ANKH: variants seen among roughly 807,000 people sequenced by gnomAD.
The protein encoded by ANKH is mineralization regulator ANKH.
In ANKH, 15 loss-of-function variants were observed where a neutral mutation model predicts 49.0. The observed-to-expected ratio is 0.31, with a 90% confidence interval of 0.20 to 0.47. ANKH has a LOEUF of 0.47. ANKH is among the 20% of genes least tolerant of loss of function. ANKH has a pLI of 1.00. For missense variants in ANKH, 429 were observed against 652.0 expected (o/e 0.66, Z 3.72); for synonymous variants, 273 against 260.0 (o/e 1.05, Z -0.48).
intron 1 of ANKH, among the ~76,000 whole-genome samples, chr5:14,833,034 A>T (rs1425397823): frequency 1.3e-5 from 2 of 152,200 alleles, no homozygotes; most frequent in African/African-American, 4.8e-5. Flanking sequence ...TGCTGCTTTG[A>T]TGGGCCCCAA....
In ANKH at chr5:14,837,904, A is replaced by G. The variant is rs1459503919; in HGVS notation, c.96+33448T>C. ...ATAGACTGGATTAAGAAAATGTGGC[A>G]CATATATACCATGGAATACTATGCA... On this transcript the variant is annotated intron_variant, in intron 1 of 11. Coordinates refer to ENST00000284268, the MANE Select transcript of ANKH (RefSeq NM_054027.6). Among the ~76,000 whole-genome samples the G allele has an allele frequency of 2.0e-5, 3 of 152,268 alleles. No individual in the cohort carries two copies. In the East Asian group the frequency reaches 5.8e-4, roughly 29 times the overall value.
chr5:14,799,503 A>G (rs969939199), intron 1 of ANKH, among the ~76,000 whole-genome samples: 4 of 152,222 alleles, frequency 2.6e-5, no homozygotes, highest in Non-Finnish European at 5.9e-5. Flanking sequence ...GGACAGGCTG[A>G]TTCTCTTGTT....
chr5:14,712,313 T>C lies in ANKH; in HGVS notation c.1365+561A>G, dbSNP rs140271832. On this transcript the variant is annotated intron_variant, in intron 11 of 11. Transcript: ENST00000284268. ...TCTTGACCAACTGTTTCCCCACCCA[T>C]GTGTCCTCGTTCTTCCACCCTCATA... Among the ~76,000 whole-genome samples, 370 of 152,370 alleles carry C rather than the reference T, an allele frequency of 2.4e-3. 3 individuals are homozygous for C. Among genetic ancestry groups the C allele is most frequent in the African/African-American group, 8.4e-3 (350 of 41,596 alleles).
At chr5:14,802,991 G>T (rs1740608162) in intron 1 of ANKH, among the ~76,000 whole-genome samples, 1 of 152,238 alleles carries the variant, frequency 6.6e-6, no homozygotes, top group Non-Finnish European at 1.5e-5. Context: ...AACTTGCAGA[G>T]TGATGTCTGA....
chr5:14,731,704 G>C (rs960310159), intron 8 of ANKH, among the ~76,000 whole-genome samples: 30 of 152,258 alleles, frequency 2.0e-4, no homozygotes, highest in African/African-American at 7.0e-4. Context: ...GGAAATCCTA[G>C]AAGGGCCCAG....
At chr5:14,818,602 C>G (rs966436434) in intron 1 of ANKH, among the ~76,000 whole-genome samples, 1 of 144,374 alleles carries the variant, frequency 6.9e-6, no homozygotes, top group African/African-American at 2.6e-5. Context: ...CGAGATTGCA[C>G]CATTGCACTC....
At chr5:14,783,024 T>C (rs556698583) in intron 1 of ANKH, among the ~76,000 whole-genome samples, 19 of 152,200 alleles carry the variant, frequency 1.2e-4, no homozygotes, top group Non-Finnish European at 2.5e-4. Context: ...TTCATTTACT[T>C]CTGCATGAGG....
intron 1 of ANKH, among the ~76,000 whole-genome samples, chr5:14,776,746 C>G (rs113357113): frequency 6.6e-6 from 1 of 152,194 alleles, no homozygotes; most frequent in East Asian, 1.9e-4. Context: ...TCGAGGCAGA[C>G]GGCCAAGACA....
Position 14,808,360 on chromosome 5 carries a change from A to G in ANKH, c.97-39169T>C, listed in dbSNP as rs551188559. On this transcript the variant is annotated intron_variant, in intron 1 of 11. Transcript: ENST00000284268. ...AACAGAAGATAAAGCTGTACCTTCC[A>G]AAAGAAAACACCCAATGATTTGGGG... 1.1e-3 allele frequency among the ~76,000 whole-genome samples: 160 copies of G among 152,362 alleles called. 2 individuals carry two copies. The South Asian group carries it at 0.031, about 30-fold the overall frequency.
intron 9 of ANKH, among the ~76,000 whole-genome samples, chr5:14,715,758 TCAAC>T (rs1390727459): frequency 1.3e-5 from 2 of 152,246 alleles, no homozygotes; most frequent in African/African-American, 2.4e-5. Context: ...TGTATACTAA[TCAAC>T]CATTCTGCAA....
chr5:14,814,586 A>G (rs1349026347), intron 1 of ANKH, among the ~76,000 whole-genome samples: 2 of 152,240 alleles, frequency 1.3e-5, no homozygotes, highest in African/African-American at 4.8e-5. Context: ...AGCCTGGGCA[A>G]TGCAGTGAGA....
chr5:14,795,627 T>C (rs1417456902), intron 1 of ANKH, among the ~76,000 whole-genome samples: 1 of 152,218 alleles, frequency 6.6e-6, no homozygotes, highest in Non-Finnish European at 1.5e-5. Context: ...GGCAGGTGGA[T>C]CACTTGAGGC....
intron 1 of ANKH, among the ~76,000 whole-genome samples, chr5:14,801,831 G>C (rs1467402308): frequency 1.3e-5 from 2 of 152,046 alleles, no homozygotes; most frequent in Non-Finnish European, 2.9e-5. Context: ...ACATCAGTGT[G>C]TCATGAAAAC....
chr5:14,793,035 A>AT (rs1740238750), intron 1 of ANKH, among the ~76,000 whole-genome samples: 3 of 72,290 alleles, frequency 4.1e-5, no homozygotes, highest in South Asian at 3.9e-4. Flanking sequence ...TATATATATA[A>AT]AAATATATAT....
chr5:14,762,823 A>G (rs1293167353), intron 2 of ANKH, among the ~76,000 whole-genome samples: 1 of 152,246 alleles, frequency 6.6e-6, no homozygotes, highest in Non-Finnish European at 1.5e-5. Flanking sequence ...AGCAACCTTC[A>G]GCTTCTATAA....
rs1407671883 is a variant in ANKH at position 14,709,252 on chromosome 5, T to TA, written c.*1944dup. On this transcript the variant is annotated 3_prime_UTR_variant, in exon 12 of 12. Coordinates refer to ENST00000284268, the MANE Select transcript of ANKH (RefSeq NM_054027.6). ...CCAGAAGCATGAAAGTCACACATGT[T>TA]AAAAAATACTGTTTAATTTTCTAGT... is the stretch of plus-strand genomic sequence containing the variant. 6.6e-6 allele frequency: 1 copy of TA among 152,026 alleles called. No homozygotes were observed. Among genetic ancestry groups the TA allele is most frequent in the Non-Finnish European group, 1.5e-5 (1 of 68,022 alleles). 9.4% of individuals were successfully genotyped at this position (152,026 alleles called of 1,614,324 possible). A position where few individuals can be genotyped will look rare whatever the true frequency, so the allele number is the denominator to read the frequency against.
At chr5:14,750,178 G>A (rs1293738653) in intron 5 of ANKH, among the ~76,000 whole-genome samples, 8 of 152,204 alleles carry the variant, frequency 5.3e-5, no homozygotes, top group Non-Finnish European at 1.5e-5. Context: ...TAGGGATCAG[G>A]GTGAGGTGAG....
chr5:14,758,441 A>G, intron 3 of ANKH, 39 bp downstream of exon 3: 1 of 1,481,514 alleles, frequency 6.7e-7, no homozygotes, highest in Non-Finnish European at 9.4e-7. Context: ...ACCACCAGTT[A>G]AAGAAAAAGA....
rs145423882 is a variant in ANKH, at chr5:14,728,424, G to A, written c.1012-11589C>T. Among the ~76,000 whole-genome samples the A allele has an allele frequency of 3.0e-3, 454 of 152,316 alleles. 3 individuals carry two copies. Among genetic ancestry groups the A allele is most frequent in the African/African-American group, 0.011 (437 of 41,564 alleles). ...GAGGGGCACCAAATGAGAAAGTGTT[G>A]AATTCCATTAATTCACCTTTGGTTC... On this transcript the variant is annotated intron_variant, in intron 8 of 11. Transcript: ENST00000284268.
Sources: gnomAD v4.1 joint callset for allele counts (sites outside exome capture counted in the v4.1 genomes callset) on GRCh38, gnomAD v4.1.1 for gene constraint, MANE v1.5 for transcripts, NCBI Gene and HGNC (gene_info 2026-07-23, HGNC 2026-07-21) for gene names.